C19orf47: variants seen among roughly 807,000 people sequenced by gnomAD.
C19orf47 encodes the protein uncharacterized protein C19orf47.
Under a neutral mutation model 32.3 loss-of-function variants are expected in C19orf47, and 18 were observed. The observed-to-expected ratio is 0.56, with a 90% CI of 0.39 to 0.83. The LOEUF is 0.83. C19orf47 is among the 40% of genes least tolerant of loss of function. The probability of loss-of-function intolerance (pLI) is 0.00; values close to 1 mark genes in which losing one functional copy is unlikely to be tolerated. For synonymous variants in C19orf47, 202 were observed against 211.1 expected (o/e 0.96, Z 0.37); for missense variants, 484 against 531.6 (o/e 0.91, Z 0.88).
At chr19:40,294,630 C>T in the C19orf47 span, among the ~76,000 whole-genome samples, 4 of 152,116 alleles carry the variant, frequency 2.6e-5, no homozygotes, top group African/African-American at 4.8e-5. Context: ...GCTGTGGGTC[C>T]CCAAGACAAA....
the C19orf47 span, among the ~76,000 whole-genome samples, chr19:40,313,861 G>A: frequency 4.0e-4 from 60 of 151,682 alleles, no homozygotes; most frequent in African/African-American, 1.2e-3. Flanking sequence ...CCAGCTACTC[G>A]GGAGGCAGAG....
chr19:40,315,290 A>G (rs1237501621), downstream of C19orf47, among the ~76,000 whole-genome samples: 1 of 152,202 alleles, frequency 6.6e-6, no homozygotes, highest in Non-Finnish European at 1.5e-5. Flanking sequence ...TATTAGGAGT[A>G]ACTGAGCGTG....
intron 2 of C19orf47, among the ~76,000 whole-genome samples, chr19:40,340,600 G>A (rs534059208): frequency 2.4e-4 from 37 of 151,768 alleles, no homozygotes; most frequent in Non-Finnish European, 4.7e-4. Context: ...AGAATGGCGT[G>A]AACCCGGGAG....
At chr19:40,311,097 C>T in the C19orf47 span, among the ~76,000 whole-genome samples, 1 of 152,042 alleles carries the variant, frequency 6.6e-6, no homozygotes, top group African/African-American at 2.4e-5. Context: ...AAAAATTGGG[C>T]CGGGTGCAGT....
At chr19:40,347,622 A>G (rs1258238013) in intron 1 of C19orf47, among the ~76,000 whole-genome samples, 2 of 152,192 alleles carry the variant, frequency 1.3e-5, no homozygotes, top group East Asian at 3.8e-4. Flanking sequence ...ATTATCAAGA[A>G]AAAGAAAAAA....
chr19:40,348,463 C>A, upstream of C19orf47: 1 of 1,500,662 alleles, frequency 6.7e-7, no homozygotes, highest in Admixed American at 2.2e-5. Context: ...GACTCGTCCG[C>A]GGCCGCTCTA....
chr19:40,345,848 C>CA (rs35848570), intron 1 of C19orf47, among the ~76,000 whole-genome samples: 33,769 of 75,066 alleles, frequency 0.45, 7,898 homozygotes, highest in South Asian at 0.62. Context: ...GACTCAGTCT[C>CA]AAAAAAAAAA....
intron 4 of C19orf47, among the ~76,000 whole-genome samples, chr19:40,335,680 G>A (rs1309928761): frequency 3.3e-5 from 5 of 151,650 alleles, no homozygotes; most frequent in African/African-American, 1.2e-4. Context: ...TGCGATCTCG[G>A]CTCACTGCAA....
At position 40,322,023 on chromosome 19, in the gene C19orf47, C is replaced by A; in HGVS notation, c.1017G>T (p.Lys339Asn). The A allele has an allele frequency of 6.2e-7, 1 of 1,614,182 alleles. No individual in the cohort carries two copies. ...QDSQVTSTKSKSSAEVKVTIK... is the reference protein window; with the variant it reads ...QDSQVTSTKSNSSAEVKVTIK... ...TGGTGACCTTGACCTCGGCTGAGGA[C>A]TTACTCTTGGTGCTGGTGACCTGGC... Residue 339 changes from lysine (K) to asparagine (N), a missense_variant, in exon 9 of 9, where the codon AAG (lysine) becomes AAT (asparagine). Coordinates refer to ENST00000683109, the MANE Select transcript of C19orf47 (RefSeq NM_001256441.2).
intron 1 of C19orf47, 72 bp downstream of exon 1, chr19:40,348,252 G>A (rs192815715): frequency 6.4e-6 from 7 of 1,091,316 alleles, no homozygotes. Flanking sequence ...CCCGAACTGA[G>A]TCCAGACACC....
At chr19:40,333,442 G>A (rs968026641) in intron 5 of C19orf47, among the ~76,000 whole-genome samples, 2 of 152,114 alleles carry the variant, frequency 1.3e-5, no homozygotes, top group African/African-American at 4.8e-5. Flanking sequence ...TGTTGGCTAT[G>A]AGTTCCCGGT....
At chr19:40,315,728 C>T (rs1315201383), downstream of C19orf47, among the ~76,000 whole-genome samples, 3 of 150,938 alleles carry the variant, frequency 2.0e-5, no homozygotes, top group African/African-American at 7.3e-5. Context: ...TACAGTGAGC[C>T]GAGATCACCC....
At position 40,321,714 on chromosome 19, in the gene C19orf47, C is replaced by G; in HGVS notation, c.*168G>C. 7.0e-7 allele frequency: 1 copy of G among 1,425,398 alleles called. No individual in the cohort carries two copies. The highest frequency in any genetic ancestry group is 9.1e-7 in the Non-Finnish European group (1 of 1,095,364). The allele number at this position is 1,425,398 out of a possible 1,614,324, so 88.3% of individuals were successfully genotyped here. On this transcript the variant is annotated 3_prime_UTR_variant, in exon 9 of 9. Transcript: ENST00000683109. ...GGCCAGCTGCGACGACCATCCCAGG[C>G]TAGGAGAAATGGGGTGATCCCCCGA...
intron 7 of C19orf47, among the ~76,000 whole-genome samples, chr19:40,325,043 G>C (rs1183630514): frequency 6.6e-6 from 1 of 151,976 alleles, no homozygotes; most frequent in South Asian, 2.1e-4. Context: ...GCCAAGGCAG[G>C]TGGATCACCC....
the C19orf47 span, among the ~76,000 whole-genome samples, chr19:40,312,464 G>A: frequency 3.3e-5 from 5 of 151,994 alleles, no homozygotes; most frequent in Non-Finnish European, 7.4e-5. Flanking sequence ...AGAATGGCGT[G>A]AACCCAGGAG....
chr19:40,345,732 C>T (rs1027262989), intron 1 of C19orf47, among the ~76,000 whole-genome samples: 1 of 142,102 alleles, frequency 7.0e-6, no homozygotes, highest in East Asian at 2.1e-4. Context: ...ATCCAAGCTA[C>T]TCAGTAGGCT....
chr19:40,331,153 T>C (rs866982615), intron 5 of C19orf47, among the ~76,000 whole-genome samples: 2 of 152,240 alleles, frequency 1.3e-5, no homozygotes, highest in South Asian at 2.1e-4. Context: ...GACTTAGCCA[T>C]GTAACTTGCT....
rs767095008 is a variant in C19orf47, at chr19:40,322,104, T to G, written c.936A>C (p.Lys312Asn). The G allele has an allele frequency of 6.2e-7, 1 of 1,614,056 alleles. No individual in the cohort carries two copies. The change falls in exon 9 of 9, where the codon AAA (lysine) becomes AAC (asparagine). Residue 312 changes from lysine to asparagine, a missense_variant. Lys to Asn is a moderately conservative substitution (Grantham distance 94). Transcript: ENST00000683109. Reference protein sequence around the residue: ...GLERKPESLSKVSIIKRLGAA... With the variant: ...GLERKPESLSNVSIIKRLGAA... ...CGCCCAGTCTCTTGATGATGCTGACTTTAGACAAGGACTCCGGCTTCCTCT... is the reference window on the plus strand; with the variant it reads ...CGCCCAGTCTCTTGATGATGCTGACGTTAGACAAGGACTCCGGCTTCCTCT...
Position 40,337,119 on chromosome 19 carries a change from C to T in C19orf47, c.20-712G>A, listed in dbSNP as rs574484624. On this transcript the variant is annotated intron_variant, in intron 2 of 8. Coordinates refer to ENST00000683109, the MANE Select transcript of C19orf47 (RefSeq NM_001256441.2). ...GGCAAAGGACAGGTCCTGTCCTACA[C>T]ACGGGGGATACCACAAGGCACAAGA... Among the ~76,000 whole-genome samples, 4 of 152,184 alleles carry T rather than the reference C, an allele frequency of 2.6e-5. No individual in the cohort carries two copies. The South Asian group carries it at 6.2e-4, about 24-fold the overall frequency.
Sources: gnomAD v4.1 joint callset for allele counts (sites outside exome capture counted in the v4.1 genomes callset) on GRCh38, gnomAD v4.1.1 for gene constraint, MANE v1.5 for transcripts, NCBI Gene and HGNC (gene_info 2026-07-23, HGNC 2026-07-21) for gene names.